Variants in DGKH observed in about 807,000 individuals in gnomAD.
DGKH encodes the protein DAG kinase eta.
In DGKH, 90 loss-of-function variants were observed where a neutral mutation model predicts 159.3. That is an observed-to-expected ratio of 0.57 (90% CI 0.48 to 0.67). The LOEUF is 0.67. Ranked by LOEUF, DGKH falls within the 30% of genes least tolerant of loss-of-function variation. The probability of loss-of-function intolerance (pLI) is 0.00; values close to 1 mark genes in which losing one functional copy is unlikely to be tolerated. For synonymous variants in DGKH, 536 were observed against 553.8 expected (o/e 0.97, Z 0.45); for missense variants, 1,181 against 1,506.1 (o/e 0.78, Z 3.57).
rs1229951452 is a variant in DGKH, at chr13:42,236,685, G to T, written c.*7497G>T. The T allele has an allele frequency of 6.6e-6, 1 of 152,218 alleles. No homozygotes were observed. Among genetic ancestry groups the T allele is most frequent in the East Asian group, 1.9e-4 (1 of 5,196 alleles). The allele number at this position is 152,218 out of a possible 1,614,324, so 9.4% of individuals were successfully genotyped here. ...TCAGGCCTGTAATCCCAGCACTTTG[G>T]AAAGCCGAGGGAGGTAGATCACCTG... On this transcript the variant is annotated 3_prime_UTR_variant, in exon 30 of 30. Transcript: ENST00000337343.
rs754073538 is a variant in DGKH, at chr13:42,194,958, A to C, written c.2109A>C (p.Pro703=). The C allele has an allele frequency of 1.3e-5, 21 of 1,614,004 alleles. No homozygotes were observed. The highest frequency in any genetic ancestry group is 2.2e-5 in the East Asian group (1 of 44,896). ...GHSQTDSVPG[P]AVAASKENLP... ...CCCAAACTGATTCTGTCCCTGGTCC[A>C]GCTGTGGCAGCCAGCAAAGAAAACC... The change falls in exon 17 of 30, where the codon CCA becomes CCC. Residue 703 remains proline (P), a synonymous_variant. Transcript: ENST00000337343.
chr13:42,067,269 C>T (rs571784464), intron 1 of DGKH, among the ~76,000 whole-genome samples: 1 of 152,162 alleles, frequency 6.6e-6, no homozygotes, highest in Middle Eastern at 3.4e-3. Flanking sequence ...CTGTGCTTTT[C>T]AAGGAAAACC....
intron 1 of DGKH, among the ~76,000 whole-genome samples, chr13:42,068,744 A>G (rs1160997493): frequency 2.0e-5 from 3 of 152,178 alleles, no homozygotes; most frequent in Non-Finnish European, 4.4e-5. Flanking sequence ...TTTGCAAATG[A>G]CATGTCAGTT....
At chr13:42,219,097 A>C in intron 26 of DGKH, 133 bp from the exon 27 acceptor site, 1 of 1,130,572 alleles carries the variant, frequency 8.8e-7, no homozygotes, top group Non-Finnish European at 1.2e-6. Flanking sequence ...TCTTCTCTTA[A>C]TATTCCTTAA....
At position 42,070,301 on chromosome 13, in the gene DGKH, G is replaced by C. The variant is rs1430816926; in HGVS notation, c.192+21336G>C. 4 of 1,282,880 alleles carry C rather than the reference G, an allele frequency of 3.1e-6. No individual in the cohort carries two copies. The African/African-American group carries it at 5.8e-5, about 19-fold the overall frequency. The allele number at this position is 1,282,880 out of a possible 1,614,324, so 79.5% of individuals were successfully genotyped here. ...GTCATGTGATTTCTAATGTAAACTG[G>C]AATTACGCTGAGAAGCTCCTGACGA... On this transcript the variant is annotated intron_variant, in intron 1 of 29. Transcript: ENST00000337343.
At chr13:42,244,903 CAAAAAAAAAAAAAAAAA>C (rs57184890), downstream of DGKH, among the ~76,000 whole-genome samples, 11 of 42,968 alleles carry the variant, frequency 2.6e-4, no homozygotes, top group East Asian at 4.6e-3. Context: ...GACTCCGTCT[CAAAAAAAAAAAAAAAAA>C]AAAAAAAAAA....
chr13:42,140,830 A>G (rs559399896), intron 3 of DGKH: 3 of 152,172 alleles, frequency 2.0e-5, no homozygotes, highest in African/African-American at 4.8e-5. Context: ...GTAAAAGACA[A>G]TGGCTTGTCT....
intron 24 of DGKH, among the ~76,000 whole-genome samples, chr13:42,213,007 G>A (rs1468022929): frequency 6.6e-6 from 1 of 152,174 alleles, no homozygotes; most frequent in African/African-American, 2.4e-5. Flanking sequence ...AGAGAGTTTG[G>A]GGTGACTGAA....
chr13:42,046,389 C>G (rs1251617991), upstream of DGKH, among the ~76,000 whole-genome samples: 1 of 152,160 alleles, frequency 6.6e-6, no homozygotes, highest in African/African-American at 2.4e-5. Flanking sequence ...ATTCTAAAAA[C>G]TTCTAATTTA....
intron 13 of DGKH, among the ~76,000 whole-genome samples, chr13:42,183,749 A>T (rs1389177235): frequency 6.6e-6 from 1 of 152,260 alleles, no homozygotes; most frequent in Non-Finnish European, 1.5e-5. Context: ...TCTGAGAATC[A>T]CAGCTCTAAC....
intron 26 of DGKH, among the ~76,000 whole-genome samples, chr13:42,217,993 C>T (rs1957848048): frequency 6.6e-6 from 1 of 152,188 alleles, no homozygotes; most frequent in African/African-American, 2.4e-5. Flanking sequence ...GAGATTGCGC[C>T]ATTGCACTTC....
chr13:42,104,221 C>G (rs7984523), intron 1 of DGKH, among the ~76,000 whole-genome samples: 1 of 152,020 alleles, frequency 6.6e-6, no homozygotes, highest in Admixed American at 6.5e-5. Flanking sequence ...CTCTGTTGCA[C>G]GGGACCATTC....
intron 1 of DGKH, among the ~76,000 whole-genome samples, chr13:42,055,618 G>A (rs1361757843): frequency 6.6e-6 from 1 of 152,168 alleles, no homozygotes; most frequent in Admixed American, 6.5e-5. Flanking sequence ...AAAGGACGTG[G>A]GGCCCCGTTC....
chr13:42,164,145 T>C (rs1247002595), intron 7 of DGKH, among the ~76,000 whole-genome samples: 1 of 152,082 alleles, frequency 6.6e-6, no homozygotes, highest in Admixed American at 6.6e-5. Flanking sequence ...ACAAACAAAA[T>C]AAAAAAGCCC....
At chr13:42,215,041 C>T (rs554746434) in intron 25 of DGKH, among the ~76,000 whole-genome samples, 66 of 151,910 alleles carry the variant, frequency 4.3e-4, no homozygotes, top group African/African-American at 1.4e-3. Flanking sequence ...TTTGCTAAAT[C>T]GGAAATTGAT....
intron 3 of DGKH, among the ~76,000 whole-genome samples, chr13:42,143,887 GT>G (rs1185171084): frequency 5.3e-5 from 8 of 151,920 alleles, no homozygotes; most frequent in African/African-American, 1.9e-4. Flanking sequence ...GGTTTTTTGT[GT>G]CTCTATTTCC....
intron 1 of DGKH, among the ~76,000 whole-genome samples, chr13:42,111,175 CAAG>C (rs61036029): frequency 0.42 from 63,494 of 151,844 alleles, 13,528 homozygotes; most frequent in Non-Finnish European, 0.47. Flanking sequence ...AATACAGTCT[CAAG>C]GAGGTAATTA....
chr13:42,210,530 T>C, intron 23 of DGKH, 72 bp from the exon 24 acceptor site: 4 of 1,423,904 alleles, frequency 2.8e-6, no homozygotes, highest in Non-Finnish European at 3.8e-6. Flanking sequence ...ATTGTAGTTT[T>C]ATTAAAGCAC....
intron 28 of DGKH, among the ~76,000 whole-genome samples, chr13:42,220,363 C>T (rs1957934300): frequency 6.6e-6 from 1 of 152,158 alleles, no homozygotes; most frequent in Admixed American, 6.5e-5. Flanking sequence ...AAAGATTAAG[C>T]CCCCTCTTCG....
Sources: gnomAD v4.1 joint callset for allele counts (sites outside exome capture counted in the v4.1 genomes callset) on GRCh38, gnomAD v4.1.1 for gene constraint, MANE v1.5 for transcripts, NCBI Gene and HGNC (gene_info 2026-07-23, HGNC 2026-07-21) for gene names.